The following LRTM3 variants were observed in gnomAD, a reference collection of about 807,000 sequenced individuals.
The protein encoded by LRTM3 is leucine-rich repeat transmembrane protein 3.
At chr13:102,755,961 A>ATATTT in the LRTM3 span, among the ~76,000 whole-genome samples, 11 of 53,382 alleles carry the variant, frequency 2.1e-4, no homozygotes, top group African/African-American at 5.9e-4. Flanking sequence ...ATATATATAT[A>ATATTT]TTTTTTTTTT....
At chr13:102,754,388 C>G in the LRTM3 span, among the ~76,000 whole-genome samples, 3 of 152,060 alleles carry the variant, frequency 2.0e-5, no homozygotes, top group African/African-American at 7.2e-5. Context: ...TTGTCTGACC[C>G]TGTCTCACCC....
the LRTM3 span, among the ~76,000 whole-genome samples, chr13:102,754,573 C>G: frequency 1.3e-5 from 2 of 152,148 alleles, no homozygotes; most frequent in Admixed American, 1.3e-4. Flanking sequence ...ATCCCTCATA[C>G]ACAAACCACT....
chr13:102,737,267 A>G, the LRTM3 span: 2 of 1,550,968 alleles, frequency 1.3e-6, no homozygotes, highest in South Asian at 1.2e-5. Context: ...TGTATGTGCT[A>G]TTTTCCCTGC....
At chr13:102,743,919 C>G in the LRTM3 span, 1 of 1,550,560 alleles carries the variant, frequency 6.4e-7, no homozygotes, top group Non-Finnish European at 8.7e-7. Context: ...AAGAAAATTG[C>G]AGCTACATTT....
At chr13:102,736,909 A>T in the LRTM3 span, 2 of 1,551,162 alleles carry the variant, frequency 1.3e-6, no homozygotes, top group Middle Eastern at 3.3e-4. Flanking sequence ...ATGAGGGTGG[A>T]AGAAAAGATC....
At chr13:102,730,172 T>C in the LRTM3 span, 3 of 1,550,524 alleles carry the variant, frequency 1.9e-6, no homozygotes, top group African/African-American at 1.4e-5. Flanking sequence ...TCTAGTACAA[T>C]GGGAACCTGA....
chr13:102,757,565 A>G, the LRTM3 span, among the ~76,000 whole-genome samples: 2 of 152,248 alleles, frequency 1.3e-5, no homozygotes, highest in Non-Finnish European at 2.9e-5. Flanking sequence ...CTGAAATAAT[A>G]GTAATTTCTT....
the LRTM3 span, chr13:102,743,646 G>A: frequency 6.5e-7 from 1 of 1,550,224 alleles, no homozygotes; most frequent in Non-Finnish European, 8.7e-7. Flanking sequence ...GAGTTTTCTT[G>A]TACTTCTTCC....
At chr13:102,758,765 T>C in the LRTM3 span, 2 of 1,551,162 alleles carry the variant, frequency 1.3e-6, no homozygotes, top group Non-Finnish European at 1.7e-6. Flanking sequence ...ATGCACAAGC[T>C]TTCATGAGTA....
the LRTM3 span, chr13:102,746,724 G>A: frequency 1.9e-6 from 3 of 1,551,018 alleles, no homozygotes; most frequent in Admixed American, 3.9e-5. Flanking sequence ...AAATCTTTTG[G>A]TATTTCTGTC....
chr13:102,747,943 T>A, the LRTM3 span: 1 of 1,551,282 alleles, frequency 6.4e-7, no homozygotes, highest in South Asian at 1.2e-5. Context: ...GTGTCAGCTC[T>A]GAATTTGCCT....
chr13:102,754,392 C>T, the LRTM3 span, among the ~76,000 whole-genome samples: 2 of 152,096 alleles, frequency 1.3e-5, no homozygotes, highest in East Asian at 1.9e-4. Flanking sequence ...CTGACCCTGT[C>T]TCACCCCCAC....
At chr13:102,738,796 C>A in the LRTM3 span, 3 of 1,550,338 alleles carry the variant, frequency 1.9e-6, no homozygotes, top group Non-Finnish European at 2.6e-6. Flanking sequence ...TGCTCCAAAT[C>A]TCAACTTCTT....
the LRTM3 span, chr13:102,738,530 G>T: frequency 1.9e-6 from 3 of 1,550,546 alleles, no homozygotes; most frequent in South Asian, 1.2e-5. Flanking sequence ...TGAAATTGAT[G>T]ATTTCATTTT....
At chr13:102,747,764 T>A in the LRTM3 span, 1 of 1,551,236 alleles carries the variant, frequency 6.4e-7, no homozygotes, top group Non-Finnish European at 8.7e-7. Context: ...TTGAAATGGA[T>A]CCATCATGGG....
the LRTM3 span, chr13:102,750,141 C>T: frequency 6.4e-7 from 1 of 1,551,136 alleles, no homozygotes; most frequent in Non-Finnish European, 8.7e-7. Flanking sequence ...GTTTCATATT[C>T]TCTGTCTGGA....
At chr13:102,733,052 A>C in the LRTM3 span, 14 of 1,551,394 alleles carry the variant, frequency 9.0e-6, no homozygotes, top group East Asian at 9.8e-5. Flanking sequence ...TCCTGGTAGC[A>C]TCTGTAGGCT....
the LRTM3 span, chr13:102,738,972 T>C: frequency 6.4e-7 from 1 of 1,550,494 alleles, no homozygotes; most frequent in South Asian, 1.2e-5. Flanking sequence ...GCTTTTTCAA[T>C]ACTGCTTAAA....
the LRTM3 span, chr13:102,733,935 G>A: frequency 1.3e-6 from 2 of 1,551,272 alleles, no homozygotes; most frequent in Non-Finnish European, 1.7e-6. Context: ...GAGGGTACAT[G>A]GAGAGTTCGC....
Sources: gnomAD v4.1 joint callset for allele counts (sites outside exome capture counted in the v4.1 genomes callset) on GRCh38, gnomAD v4.1.1 for gene constraint, MANE v1.5 for transcripts, NCBI Gene and HGNC (gene_info 2026-07-23, HGNC 2026-07-21) for gene names.